ARHGAP22: variants seen among roughly 807,000 people sequenced by gnomAD.
ARHGAP22 encodes Rho GTPase activating protein 22, also known as rho GTPase-activating protein 22.
In ARHGAP22, 48 loss-of-function variants were observed where a neutral mutation model predicts 59.1. The ratio of observed to expected loss-of-function variants is 0.81; its 90% CI spans 0.64 to 1.03. ARHGAP22 has a LOEUF of 1.03. Ranked by LOEUF, ARHGAP22 falls within the 50% of genes least tolerant of loss-of-function variation. ARHGAP22 has a pLI of 0.00. For missense variants in ARHGAP22, 1,015 were observed against 958.7 expected (o/e 1.06, Z -0.78); for synonymous variants, 445 against 416.4 (o/e 1.07, Z -0.84).
intron 8 of ARHGAP22, 26 bp from the exon 9 acceptor site, chr10:48,451,166 G>A: frequency 1.3e-6 from 2 of 1,550,536 alleles, no homozygotes; most frequent in Non-Finnish European, 1.7e-6. Context: ...GCGGAGAAGG[G>A]CCTTGCTGCC....
At chr10:48,506,821 G>A (rs2052188318) in intron 3 of ARHGAP22, among the ~76,000 whole-genome samples, 1 of 152,200 alleles carries the variant, frequency 6.6e-6, no homozygotes, top group South Asian at 2.1e-4. Context: ...ATTCAAGCCT[G>A]TAGACAACCT....
chr10:48,620,632 T>G (rs2061252363), intron 1 of ARHGAP22, among the ~76,000 whole-genome samples: 1 of 152,134 alleles, frequency 6.6e-6, no homozygotes, highest in Non-Finnish European at 1.5e-5. Context: ...CTTGTACTGC[T>G]CAGGAGCCAT....
chr10:48,571,473 G>T (rs2058389443), intron 2 of ARHGAP22, among the ~76,000 whole-genome samples: 2 of 152,192 alleles, frequency 1.3e-5, no homozygotes, highest in Admixed American at 6.5e-5. Context: ...TCACTCTCCA[G>T]AAGTGACCTG....
intron 2 of ARHGAP22, among the ~76,000 whole-genome samples, chr10:48,570,549 T>C (rs1220767232): frequency 1.3e-5 from 2 of 152,168 alleles, no homozygotes; most frequent in Admixed American, 1.3e-4. Context: ...TCAGGTTTGT[T>C]TTTTTCTGAG....
chr10:48,534,431 G>A (rs2135005054), intron 3 of ARHGAP22, among the ~76,000 whole-genome samples: 1 of 152,308 alleles, frequency 6.6e-6, no homozygotes. Flanking sequence ...AAGAGCAGGA[G>A]GCCATGGGGC....
the ARHGAP22 span, among the ~76,000 whole-genome samples, chr10:48,432,096 C>T: frequency 6.6e-6 from 1 of 152,194 alleles, no homozygotes; most frequent in African/African-American, 2.4e-5. Context: ...GCAACAGAGA[C>T]TTCTCTGGCT....
chr10:48,435,103 C>A, the ARHGAP22 span: 2 of 1,129,278 alleles, frequency 1.8e-6, no homozygotes, highest in Non-Finnish European at 2.4e-6. Flanking sequence ...GAAAACAATT[C>A]AGTGGTCTTA....
downstream of ARHGAP22, among the ~76,000 whole-genome samples, chr10:48,441,672 T>C (rs2045206157): frequency 6.6e-6 from 1 of 152,138 alleles, no homozygotes. Context: ...CAGGATGGTC[T>C]CAATCTCCTG....
upstream of ARHGAP22, among the ~76,000 whole-genome samples, chr10:48,609,239 C>A (rs140045607): frequency 0.013 from 1,916 of 152,330 alleles, 135 homozygotes; most frequent in Admixed American, 0.11. Flanking sequence ...CAGCTCTCCA[C>A]CTGAATCTGT....
chr10:48,652,533 C>G (rs2062608358), exon 1 of ARHGAP22: 1 of 552,352 alleles, frequency 1.8e-6, no homozygotes, highest in Non-Finnish European at 3.2e-6. Flanking sequence ...GAGAAAGTCA[C>G]GGGGTCTTGG....
chr10:48,590,979 G>A (rs992364211), intron 1 of ARHGAP22, among the ~76,000 whole-genome samples: 1 of 152,302 alleles, frequency 6.6e-6, no homozygotes, highest in South Asian at 2.1e-4. Context: ...TCAGATGTTC[G>A]AATTGAGGCT....
At chr10:48,581,538 A>C (rs547737677) in intron 2 of ARHGAP22, among the ~76,000 whole-genome samples, 1 of 152,218 alleles carries the variant, frequency 6.6e-6, no homozygotes, top group Non-Finnish European at 1.5e-5. Flanking sequence ...GGACAACATC[A>C]GGGTTTTCTG....
At chr10:48,623,514 G>T (rs1421315179) in intron 1 of ARHGAP22, among the ~76,000 whole-genome samples, 1 of 152,202 alleles carries the variant, frequency 6.6e-6, no homozygotes, top group Non-Finnish European at 1.5e-5. Context: ...TCAGTTGAAG[G>T]TTGGATTGGA....
chr10:48,453,891 A>T (rs777907505), intron 7 of ARHGAP22, among the ~76,000 whole-genome samples, 197 bp downstream of exon 7: 1 of 152,146 alleles, frequency 6.6e-6, no homozygotes, highest in Non-Finnish European at 1.5e-5. Flanking sequence ...AGCTGCTCCC[A>T]TGGGACTGTA....
At chr10:48,615,180 C>A (rs990454113) in intron 1 of ARHGAP22, among the ~76,000 whole-genome samples, 1 of 152,170 alleles carries the variant, frequency 6.6e-6, no homozygotes, top group African/African-American at 2.4e-5. Context: ...CTAAGGCCAA[C>A]CTCTAGACTC....
At chr10:48,435,210 G>A in the ARHGAP22 span, 3 of 474,278 alleles carry the variant, frequency 6.3e-6, no homozygotes, top group Non-Finnish European at 1.1e-5. Context: ...CCTAAGTTGT[G>A]TTTCAAAACA....
chr10:48,567,309 G>A (rs1395322636), intron 2 of ARHGAP22, among the ~76,000 whole-genome samples: 1 of 152,210 alleles, frequency 6.6e-6, no homozygotes, highest in Non-Finnish European at 1.5e-5. Context: ...TGTCATTCAT[G>A]TGAACATTCT....
At chr10:48,621,720 A>G (rs942251000) in intron 1 of ARHGAP22, among the ~76,000 whole-genome samples, 20 of 152,194 alleles carry the variant, frequency 1.3e-4, no homozygotes, top group African/African-American at 4.8e-4. Flanking sequence ...TCTTTCGTCT[A>G]GTTATTCTGT....
rs1298570030 is a variant in ARHGAP22, at chr10:48,605,010, C to T, written c.-214G>A. 1 of 1,442,156 alleles carries T rather than the reference C, an allele frequency of 6.9e-7. No homozygotes were observed. Among genetic ancestry groups the T allele is most frequent in the East Asian group, 2.5e-5 (1 of 39,964 alleles). 89.3% of individuals were successfully genotyped at this position (1,442,156 alleles called of 1,614,324 possible). On this transcript the variant is annotated 5_prime_UTR_variant, in exon 1 of 10. Coordinates refer to ENST00000249601, the MANE Select transcript of ARHGAP22 (RefSeq NM_021226.4). Reference sequence around the variant, plus strand: ...AAACCTCGATGCATTATTTATCCATCCCAGAATTAATTCCCATCCAAGCGG... The same window carrying T: ...AAACCTCGATGCATTATTTATCCATTCCAGAATTAATTCCCATCCAAGCGG...
Sources: gnomAD v4.1 joint callset for allele counts (sites outside exome capture counted in the v4.1 genomes callset) on GRCh38, gnomAD v4.1.1 for gene constraint, MANE v1.5 for transcripts, NCBI Gene and HGNC (gene_info 2026-07-23, HGNC 2026-07-21) for gene names.